PPP2CA: variants seen among roughly 807,000 people sequenced by gnomAD.
PPP2CA encodes protein phosphatase 2 catalytic subunit alpha, also known as serine/threonine-protein phosphatase 2A catalytic subunit alpha isoform.
Under a neutral mutation model 38.8 loss-of-function variants are expected in PPP2CA, and 5 were observed. The ratio of observed to expected loss-of-function variants is 0.13; its 90% confidence interval spans 0.07 to 0.27. PPP2CA has a LOEUF of 0.27. Ranked by LOEUF, PPP2CA falls within the 10% of genes least tolerant of loss-of-function variation. PPP2CA has a pLI of 1.00. For missense variants in PPP2CA, 88 were observed against 389.7 expected, an observed-to-expected ratio of 0.23 and a Z score of 6.52; for synonymous variants, 152 against 134.0, an observed-to-expected ratio of 1.13 and a Z score of -0.93.
At chr5:134,220,891 C>T (rs932910186) in intron 1 of PPP2CA, among the ~76,000 whole-genome samples, 2 of 152,174 alleles carry the variant, frequency 1.3e-5, no homozygotes, top group Non-Finnish European at 2.9e-5. Context: ...TCAACTTAGC[C>T]TTACAGCCAA....
rs910664366 is a variant in PPP2CA at position 134,197,762 on chromosome 5, T to C, written c.*10A>G. ...GGTTCATGGCAATACTGTACAAGTT[T>C]AAAATTTCATTACAGGAAGTAGTCT... is the stretch of plus-strand genomic sequence containing the variant. On this transcript the variant is annotated 3_prime_UTR_variant, in exon 7 of 7. Coordinates refer to ENST00000481195, the MANE Select transcript of PPP2CA (RefSeq NM_002715.4). 1.2e-6 allele frequency: 2 copies of C among 1,610,332 alleles called. No homozygotes were observed. Among genetic ancestry groups the C allele is most frequent in the Admixed American group, 3.3e-5 (2 of 59,984 alleles).
In PPP2CA at chr5:134,197,864, C is replaced by G. The variant is rs1456705958; in HGVS notation, c.858-20G>C. The G allele has an allele frequency of 6.2e-7, 1 of 1,610,672 alleles. No homozygotes were observed. Among genetic ancestry groups the G allele is most frequent in the South Asian group, 1.1e-5 (1 of 90,948 alleles). ...TGCAAGCTGAAAAACAAGACCGATTCATGGTTTATGTTCCACGACCTCCAT... is the reference window on the plus strand; with the variant it reads ...TGCAAGCTGAAAAACAAGACCGATTGATGGTTTATGTTCCACGACCTCCAT... On this transcript the variant is annotated intron_variant, in intron 6 of 6. Transcript: ENST00000481195.
chr5:134,204,318 G>A (rs1762031669), intron 2 of PPP2CA, among the ~76,000 whole-genome samples: 1 of 152,212 alleles, frequency 6.6e-6, no homozygotes, highest in Non-Finnish European at 1.5e-5. Flanking sequence ...AAAGGGAAAG[G>A]CGGAAGCCTG....
chr5:134,225,157 G>C (rs570366923), intron 1 of PPP2CA, among the ~76,000 whole-genome samples: 1 of 152,172 alleles, frequency 6.6e-6, no homozygotes, highest in Admixed American at 6.5e-5. Context: ...CATGACCTTC[G>C]TAAAAATTAG....
Position 134,225,910 on chromosome 5 carries a change from CCG to C in PPP2CA, c.-51_-50del. 6.4e-7 allele frequency: 1 copy of C among 1,560,062 alleles called. No individual in the cohort carries two copies. The highest frequency in any genetic ancestry group is 8.7e-7 in the Non-Finnish European group (1 of 1,145,326). ...GCCGCTCCGCGCTGCTCCCGCGCCG[CCG>C]CCCGCACACGGGCCTACACGCACAC... On this transcript the variant is annotated 5_prime_UTR_variant, in exon 1 of 7. Transcript: ENST00000481195.
chr5:134,213,046 G>T (rs199547458), intron 1 of PPP2CA, among the ~76,000 whole-genome samples: 1 of 152,180 alleles, frequency 6.6e-6, no homozygotes, highest in Non-Finnish European at 1.5e-5. Flanking sequence ...TTTCCCAGAC[G>T]ATCTACCTAA....
intron 2 of PPP2CA, 115 bp from the exon 3 acceptor site, chr5:134,202,136 C>T (rs1254061964): frequency 3.9e-6 from 4 of 1,024,890 alleles, no homozygotes; most frequent in African/African-American, 3.3e-5. Context: ...AAACAGCACA[C>T]ATCCTCATAT....
chr5:134,213,947 G>A (rs3853756), intron 1 of PPP2CA, among the ~76,000 whole-genome samples: 117,544 of 151,968 alleles, frequency 0.77, 45,901 homozygotes, highest in Non-Finnish European at 0.82. Context: ...TGGCCAACAC[G>A]GTAAAACCCC....
intron 1 of PPP2CA, among the ~76,000 whole-genome samples, chr5:134,213,144 T>A (rs1004817809): frequency 1.3e-5 from 2 of 152,196 alleles, no homozygotes; most frequent in African/African-American, 4.8e-5. Context: ...CACTTAGGAC[T>A]TTACTAGCTA....
rs1222052798 is a variant in PPP2CA at position 134,195,014 on chromosome 5, G to C, written c.*2758C>G. ...CAGAATCTCTGTAGGCATCAAAGCT[G>C]AGAACCACAGAAATAACTATCCTTT... On this transcript the variant is annotated 3_prime_UTR_variant, in exon 7 of 7. Transcript: ENST00000481195. The C allele has an allele frequency of 6.6e-6, 1 of 152,176 alleles. No individual in the cohort carries two copies. The highest frequency in any genetic ancestry group is 1.5e-5 in the Non-Finnish European group (1 of 68,040). The allele number at this position is 152,176 out of a possible 1,614,324, so 9.4% of individuals were successfully genotyped here. A position where few individuals can be genotyped will look rare whatever the true frequency, so the allele number is the denominator to read the frequency against.
At chr5:134,213,684 A>G (rs4541703) in intron 1 of PPP2CA, among the ~76,000 whole-genome samples, 116,962 of 151,398 alleles carry the variant, frequency 0.77, 45,615 homozygotes, top group Non-Finnish European at 0.82. Flanking sequence ...TAAGGAGGCT[A>G]AGGCAGAAGA....
Position 134,195,568 on chromosome 5 carries a change from T to C in PPP2CA, c.*2204A>G, listed in dbSNP as rs142542194. The C allele has an allele frequency of 6.6e-6, 1 of 152,316 alleles. No homozygotes were observed. The highest frequency in any genetic ancestry group is 1.9e-4 in the East Asian group (1 of 5,194). 9.4% of individuals were successfully genotyped at this position (152,316 alleles called of 1,614,324 possible). On this transcript the variant is annotated 3_prime_UTR_variant, in exon 7 of 7. Transcript: ENST00000481195. ...AGGCCTGTTCTTAGGGAAAGCTTTTTAGGTTTATTAATGAAAATCCTAATG... is the reference window on the plus strand; with the variant it reads ...AGGCCTGTTCTTAGGGAAAGCTTTTCAGGTTTATTAATGAAAATCCTAATG...
At position 134,215,863 on chromosome 5, in the gene PPP2CA, T is replaced by C. The variant is rs149207539; in HGVS notation, c.103-9732A>G. 7.4e-4 allele frequency among the ~76,000 whole-genome samples: 112 copies of C among 152,292 alleles called. 1 individual carries two copies. The highest frequency in any genetic ancestry group is 2.6e-3 in the African/African-American group (107 of 41,560). Reference sequence around the variant, plus strand: ...AACAAATGCTATCTCAGAGAAAAGATGAGACTGAGATAATAACCCTTATTC... The same window carrying C: ...AACAAATGCTATCTCAGAGAAAAGACGAGACTGAGATAATAACCCTTATTC... On this transcript the variant is annotated intron_variant, in intron 1 of 6. Transcript: ENST00000481195.
At chr5:134,200,814 T>G (rs1471963512) in intron 4 of PPP2CA, among the ~76,000 whole-genome samples, 171 bp downstream of exon 4, 2 of 152,248 alleles carry the variant, frequency 1.3e-5, no homozygotes, top group East Asian at 3.8e-4. Context: ...GTTGTGATCT[T>G]GGCAGGTTTC....
intron 1 of PPP2CA, among the ~76,000 whole-genome samples, chr5:134,208,129 A>AAAC (rs1434535495): frequency 6.6e-6 from 1 of 150,482 alleles, no homozygotes; most frequent in East Asian, 1.9e-4. Context: ...TGACATAAGC[A>AAAC]AACAGATGGT....
At chr5:134,200,929 ACTT>A (rs1761956230) in intron 4 of PPP2CA, 53 bp downstream of exon 4, 1 of 1,374,010 alleles carries the variant, frequency 7.3e-7, no homozygotes, top group African/African-American at 1.4e-5. Context: ...TTACAATTAA[ACTT>A]CTCCACTCCC....
intron 1 of PPP2CA, chr5:134,224,439 C>T: frequency 2.7e-6 from 1 of 373,806 alleles, no homozygotes; most frequent in Non-Finnish European, 5.2e-6. Context: ...TCTAAAAAAG[C>T]CTGTCTTGGA....
chr5:134,215,379 G>A (rs1762294888), intron 1 of PPP2CA, among the ~76,000 whole-genome samples: 1 of 151,928 alleles, frequency 6.6e-6, no homozygotes, highest in South Asian at 2.1e-4. Flanking sequence ...AGACCAGCCT[G>A]GCCAAAGTGG....
At chr5:134,209,368 T>A (rs1580643458) in intron 1 of PPP2CA, among the ~76,000 whole-genome samples, 1 of 152,270 alleles carries the variant, frequency 6.6e-6, no homozygotes, top group Admixed American at 6.5e-5. Context: ...TGATTTTGGT[T>A]GTTTTGTTGT....
Sources: allele counts gnomAD v4.1 joint callset (sites outside exome capture counted in the v4.1 genomes callset), GRCh38; gene constraint gnomAD v4.1.1; transcripts MANE v1.5; gene names NCBI Gene and HGNC (gene_info 2026-07-23, HGNC 2026-07-21).